The following DLGAP2 variants were observed in gnomAD, a reference collection of about 807,000 sequenced individuals.
The protein encoded by DLGAP2 is DLG associated protein 2.
A neutral mutation model predicts 100.3 loss-of-function variants in DLGAP2; 26 were observed. The observed-to-expected ratio is 0.26, with a 90% confidence interval of 0.19 to 0.36. DLGAP2 has a LOEUF of 0.36. Ranked by LOEUF, DLGAP2 falls within the 10% of genes least tolerant of loss-of-function variation. DLGAP2 has a pLI of 1.00. For missense variants in DLGAP2, 1,858 were observed against 1,453.2 expected (o/e 1.28, Z -4.53); for synonymous variants, 886 against 630.1 (o/e 1.41, Z -6.08).
At chr8:1,622,965 C>A (rs1377438816) in intron 6 of DLGAP2, among the ~76,000 whole-genome samples, 4 of 152,188 alleles carry the variant, frequency 2.6e-5, no homozygotes, top group Admixed American at 6.5e-5. Flanking sequence ...TGCATCCCCC[C>A]ATCTTGATTG....
At chr8:1,175,111 C>G (rs1367795971) in intron 2 of DLGAP2, among the ~76,000 whole-genome samples, 1 of 151,784 alleles carries the variant, frequency 6.6e-6, no homozygotes, top group East Asian at 1.9e-4. Flanking sequence ...TTTTTGCTAC[C>G]TTCTGTCTTC....
At chr8:1,580,035 C>G (rs1803163959) in intron 6 of DLGAP2, among the ~76,000 whole-genome samples, 1 of 152,196 alleles carries the variant, frequency 6.6e-6, no homozygotes, top group African/African-American at 2.4e-5. Flanking sequence ...CGCCCATTTC[C>G]CAGCACTGAT....
At chr8:1,468,263 A>G (rs781557734) in intron 3 of DLGAP2, among the ~76,000 whole-genome samples, 10 of 148,418 alleles carry the variant, frequency 6.7e-5, no homozygotes, top group Non-Finnish European at 1.3e-4. Flanking sequence ...CTGTTCACAC[A>G]GCGTAGATCC....
At chr8:1,224,606 T>C (rs961318004) in intron 2 of DLGAP2, among the ~76,000 whole-genome samples, 2 of 152,322 alleles carry the variant, frequency 1.3e-5, no homozygotes, top group East Asian at 3.9e-4. Flanking sequence ...TTAAGCCTTT[T>C]ATTAACTCAT....
chr8:1,326,652 T>A (rs1355509701), intron 3 of DLGAP2, among the ~76,000 whole-genome samples: 1 of 152,206 alleles, frequency 6.6e-6, no homozygotes, highest in Non-Finnish European at 1.5e-5. Context: ...GGCGAGCTCT[T>A]AGTCTTGGTC....
At chr8:1,390,455 G>T (rs1167880893) in intron 3 of DLGAP2, among the ~76,000 whole-genome samples, 2 of 152,156 alleles carry the variant, frequency 1.3e-5, no homozygotes, top group African/African-American at 4.8e-5. Context: ...GAACATCAGG[G>T]TTAGTTCCAG....
chr8:834,252 C>A (rs1157820666), intron 1 of DLGAP2, among the ~76,000 whole-genome samples: 1 of 152,192 alleles, frequency 6.6e-6, no homozygotes, highest in Non-Finnish European at 1.5e-5. Context: ...CCCCATACGC[C>A]CCTGCCCCTC....
At chr8:1,329,074 C>T (rs1293581283) in intron 3 of DLGAP2, among the ~76,000 whole-genome samples, 2 of 151,300 alleles carry the variant, frequency 1.3e-5, no homozygotes, top group Non-Finnish European at 2.9e-5. Flanking sequence ...CGACAGGCGA[C>T]AGGTGACAAG....
At position 1,549,138 on chromosome 8, in the gene DLGAP2, A is replaced by C. The variant is rs2130516968; in HGVS notation, c.685A>C (p.Ile229Leu). 6.3e-7 allele frequency: 1 copy of C among 1,592,092 alleles called. No individual in the cohort carries two copies. The highest frequency in any genetic ancestry group is 2.3e-5 in the East Asian group (1 of 43,660). Residue 229 changes from isoleucine to leucine, a missense_variant, in exon 5 of 15, where the codon ATC becomes CTC. Coordinates refer to ENST00000637795, the MANE Select transcript of DLGAP2 (RefSeq NM_001346810.2). Reference sequence around the variant, plus strand: ...GCAGCGCAGCGAGAGCCCCGGGCGGATCCGCCACCTGGTACACTCCGTGCA... The same window carrying C: ...GCAGCGCAGCGAGAGCCCCGGGCGGCTCCGCCACCTGGTACACTCCGTGCA... ...AEQRSESPGR[I>L]RHLVHSVQKL...
chr8:894,992 A>C (rs1019801117), intron 1 of DLGAP2, among the ~76,000 whole-genome samples: 1 of 91,370 alleles, frequency 1.1e-5, no homozygotes, highest in African/African-American at 4.3e-5. Flanking sequence ...TGGGAAGAGC[A>C]GAGTGGTGGC....
chr8:1,007,732 T>C (rs568613183), intron 2 of DLGAP2, among the ~76,000 whole-genome samples: 2 of 151,996 alleles, frequency 1.3e-5, no homozygotes, highest in African/African-American at 4.8e-5. Flanking sequence ...AACCTTCATA[T>C]AAGGAAGCAG....
intron 2 of DLGAP2, among the ~76,000 whole-genome samples, chr8:1,186,204 G>A (rs908993159): frequency 6.6e-6 from 1 of 152,252 alleles, no homozygotes; most frequent in Non-Finnish European, 1.5e-5. Flanking sequence ...TGGCACCGAG[G>A]GCAGCGCTGC....
chr8:1,036,322 C>A (rs568032519), intron 2 of DLGAP2, among the ~76,000 whole-genome samples: 1 of 152,258 alleles, frequency 6.6e-6, no homozygotes, highest in Non-Finnish European at 1.5e-5. Context: ...TGCCACAGCA[C>A]CCCATCTGCT....
chr8:903,552 C>T (rs1177941859), intron 1 of DLGAP2, among the ~76,000 whole-genome samples: 2 of 152,114 alleles, frequency 1.3e-5, no homozygotes, highest in Non-Finnish European at 2.9e-5. Context: ...CATAGGACGT[C>T]ATCGCGAGGC....
At chr8:1,225,111 G>C (rs968564189) in intron 2 of DLGAP2, among the ~76,000 whole-genome samples, 2 of 152,190 alleles carry the variant, frequency 1.3e-5, no homozygotes, top group Non-Finnish European at 2.9e-5. Context: ...GGAAATAGGT[G>C]CCCAAACCAG....
chr8:1,193,673 T>C (rs1481276600), intron 2 of DLGAP2, among the ~76,000 whole-genome samples: 6 of 152,110 alleles, frequency 3.9e-5, no homozygotes, highest in East Asian at 1.9e-4. Context: ...AACGATCCCA[T>C]TGAAGCCACC....
intron 3 of DLGAP2, among the ~76,000 whole-genome samples, chr8:1,470,748 C>CTCCAGCCTT (rs1563168391): frequency 1.1e-4 from 15 of 141,370 alleles, no homozygotes; most frequent in Non-Finnish European, 2.1e-4. Flanking sequence ...TCCCCGACTC[C>CTCCAGCCTT]TTCCCCGACT....
At chr8:1,036,478 G>A (rs1351791190) in intron 2 of DLGAP2, among the ~76,000 whole-genome samples, 8 of 152,220 alleles carry the variant, frequency 5.3e-5, no homozygotes, top group East Asian at 1.9e-4. Context: ...TCAGTCTGGC[G>A]GCCGTGGGGA....
chr8:1,209,251 A>C (rs1262158348), intron 2 of DLGAP2, among the ~76,000 whole-genome samples: 1 of 152,228 alleles, frequency 6.6e-6, no homozygotes, highest in Admixed American at 6.5e-5. Flanking sequence ...ACTTCAAACT[A>C]TACTATAAGG....
Sources: allele counts gnomAD v4.1 joint callset (sites outside exome capture counted in the v4.1 genomes callset), GRCh38; gene constraint gnomAD v4.1.1; transcripts MANE v1.5; gene names NCBI Gene and HGNC (gene_info 2026-07-23, HGNC 2026-07-21).